The following NWD2 variants were observed in gnomAD, a reference collection of about 807,000 sequenced individuals.
The protein encoded by NWD2 is NACHT and WD repeat domain containing 2, also known as NACHT and WD repeat domain-containing protein 2.
In NWD2, 37 loss-of-function variants were observed where a neutral mutation model predicts 132.7. The ratio of observed to expected loss-of-function variants is 0.28; its 90% confidence interval spans 0.21 to 0.37. The LOEUF is 0.37. Ranked by LOEUF, NWD2 falls within the 10% of genes least tolerant of loss-of-function variation. The pLI is 1.00. For synonymous variants in NWD2, 705 were observed against 803.0 expected (o/e 0.88, Z 2.06); for missense variants, 1,592 against 2,122.4 (o/e 0.75, Z 4.91).
intron 1 of NWD2, among the ~76,000 whole-genome samples, chr4:37,310,060 A>T (rs1718799171): frequency 6.6e-6 from 1 of 152,066 alleles, no homozygotes; most frequent in South Asian, 2.1e-4. Context: ...TTCCTGTTAG[A>T]AAAAAAATCC....
intron 3 of NWD2, among the ~76,000 whole-genome samples, chr4:37,415,706 A>AAAAG (rs1711577310): frequency 6.6e-6 from 1 of 151,340 alleles, no homozygotes; most frequent in Non-Finnish European, 1.5e-5. Context: ...TCCGTCTAAA[A>AAAAG]AAAAAAAAAA....
At chr4:37,342,614 A>G (rs953793133) in intron 2 of NWD2, among the ~76,000 whole-genome samples, 3 of 152,052 alleles carry the variant, frequency 2.0e-5, no homozygotes, top group Non-Finnish European at 2.9e-5. Flanking sequence ...TCTTGCCACT[A>G]CTTCTCTGCC....
chr4:37,337,140 C>G (rs559541660), intron 2 of NWD2, among the ~76,000 whole-genome samples: 8 of 152,100 alleles, frequency 5.3e-5, no homozygotes, highest in Non-Finnish European at 4.4e-5. Flanking sequence ...CAGACTAAAA[C>G]GTATGGTCAG....
At position 37,439,440 on chromosome 4, in the gene NWD2, G is replaced by A; in HGVS notation, c.1296+50G>A. 8.3e-7 allele frequency: 1 copy of A among 1,211,732 alleles called. No individual in the cohort carries two copies. The highest frequency in any genetic ancestry group is 1.1e-6 in the Non-Finnish European group (1 of 898,076). 75.1% of individuals were successfully genotyped at this position (1,211,732 alleles called of 1,614,324 possible). Reference sequence around the variant, plus strand: ...ATATTTGTAAAAACTTGTACTTTTGGAAAATGGTAAATTAATCAAATTCAT... The same window carrying A: ...ATATTTGTAAAAACTTGTACTTTTGAAAAATGGTAAATTAATCAAATTCAT... On this transcript the variant is annotated intron_variant, in intron 6 of 6. Transcript: ENST00000309447. This position sits in a 1 kb window ranked among gnomAD's most constrained non-coding sequence, Gnocchi z 4.5.
At chr4:37,328,278 T>C (rs978330220) in intron 2 of NWD2, among the ~76,000 whole-genome samples, 3 of 152,104 alleles carry the variant, frequency 2.0e-5, no homozygotes, top group Non-Finnish European at 4.4e-5. Context: ...TAAGTTCTGG[T>C]ATACGTGTGC....
chr4:37,285,119 A>G (rs945855176), intron 1 of NWD2, among the ~76,000 whole-genome samples: 19 of 152,100 alleles, frequency 1.2e-4, no homozygotes, highest in Non-Finnish European at 2.2e-4. Context: ...TTCACTCCCC[A>G]CATCCTCATT....
chr4:37,257,603 T>C (rs1221498101), intron 1 of NWD2, among the ~76,000 whole-genome samples: 1 of 152,208 alleles, frequency 6.6e-6, no homozygotes, highest in Non-Finnish European at 1.5e-5. Context: ...TATAGAGTTA[T>C]AACAGTTTTA....
chr4:37,311,676 TG>T (rs1361845321), intron 1 of NWD2, among the ~76,000 whole-genome samples: 1 of 148,678 alleles, frequency 6.7e-6, no homozygotes, highest in Non-Finnish European at 1.5e-5. Context: ...TTGTTGCTTT[TG>T]GTGTTTTAAA....
intron 1 of NWD2, among the ~76,000 whole-genome samples, chr4:37,315,319 G>T (rs1217157097): frequency 2.0e-5 from 3 of 151,970 alleles, no homozygotes; most frequent in Non-Finnish European, 4.4e-5. Flanking sequence ...CAAGTCTTCT[G>T]CCTCCTTTTG....
intron 3 of NWD2, among the ~76,000 whole-genome samples, chr4:37,381,254 C>T (rs1321085325): frequency 1.3e-5 from 2 of 152,176 alleles, no homozygotes; most frequent in Non-Finnish European, 2.9e-5. Context: ...ATCCCACTTC[C>T]TCTTCCCACG....
chr4:37,382,098 A>T lies in NWD2; in HGVS notation c.357+25616A>T, dbSNP rs148880809. Among the ~76,000 whole-genome samples, 447 of 152,340 alleles carry T rather than the reference A, an allele frequency of 2.9e-3. 4 individuals carry two copies. Among genetic ancestry groups the T allele is most frequent in the African/African-American group, 0.01 (427 of 41,584 alleles). ...TTCTCAAGAGAGAAGAAAACACAGC[A>T]AACACCCATGAAATGTAGAAAACAA... On this transcript the variant is annotated intron_variant, in intron 3 of 6. Transcript: ENST00000309447.
chr4:37,326,143 T>C, intron 2 of NWD2, 119 bp downstream of exon 2: 2 of 603,940 alleles, frequency 3.3e-6, no homozygotes, highest in Non-Finnish European at 5.8e-6. Context: ...ATTTATTTCT[T>C]CAAGCATGGG....
At chr4:37,288,646 G>A (rs1718294175) in intron 1 of NWD2, among the ~76,000 whole-genome samples, 1 of 152,196 alleles carries the variant, frequency 6.6e-6, no homozygotes, top group African/African-American at 2.4e-5. Flanking sequence ...TACATTCTGG[G>A]AGAGAATTCA....
chr4:37,273,998 C>A (rs954477087), intron 1 of NWD2, among the ~76,000 whole-genome samples: 14 of 152,112 alleles, frequency 9.2e-5, no homozygotes, highest in African/African-American at 3.1e-4. Flanking sequence ...AAAATTGACA[C>A]CTTAACATCC....
intron 3 of NWD2, among the ~76,000 whole-genome samples, chr4:37,362,640 C>CT (rs35564361): frequency 0.056 from 8,534 of 152,232 alleles, 386 homozygotes; most frequent in East Asian, 0.12. Flanking sequence ...AATTGGACCC[C>CT]TATCCTTCAC....
rs541590574 is a variant in NWD2, at chr4:37,327,106, A to G, written c.240+1082A>G. 3.3e-5 allele frequency among the ~76,000 whole-genome samples: 5 copies of G among 152,290 alleles called. No individual in the cohort carries two copies. The East Asian group carries it at 9.6e-4, about 29-fold the overall frequency. On this transcript the variant is annotated intron_variant, in intron 2 of 6. Transcript: ENST00000309447. ...TGAGGAATCTGGTTTTACTGATAATAGGGTCCCAATTGTTACATAATTTCC... is the reference window on the plus strand; with the variant it reads ...TGAGGAATCTGGTTTTACTGATAATGGGGTCCCAATTGTTACATAATTTCC...
At chr4:37,307,674 T>C (rs1484644859) in intron 1 of NWD2, among the ~76,000 whole-genome samples, 1 of 152,218 alleles carries the variant, frequency 6.6e-6, no homozygotes, top group Non-Finnish European at 1.5e-5. Context: ...TTCCCAAAAC[T>C]TGGAAGTTTT....
chr4:37,349,885 G>A (rs1719725855), intron 2 of NWD2, among the ~76,000 whole-genome samples: 1 of 152,152 alleles, frequency 6.6e-6, no homozygotes, highest in East Asian at 1.9e-4. Flanking sequence ...AAGGGATCCA[G>A]TTTCAGTTTT....
intron 2 of NWD2, among the ~76,000 whole-genome samples, chr4:37,348,675 T>TATATATACACACACACACAC (rs1308407988): frequency 1.3e-4 from 3 of 22,572 alleles, no homozygotes; most frequent in African/African-American, 5.4e-4. Context: ...TATATATATA[T>TATATATACACACACACACAC]ACACACACAC....
Sources: gnomAD v4.1 joint callset for allele counts (sites outside exome capture counted in the v4.1 genomes callset) on GRCh38, gnomAD v4.1.1 for gene constraint, Gnocchi (gnomAD v3.1) non-coding constraint, MANE v1.5 for transcripts, NCBI Gene and HGNC (gene_info 2026-07-23, HGNC 2026-07-21) for gene names.